MBTD1: variants seen among roughly 807,000 people sequenced by gnomAD.
MBTD1 encodes MBT domain-containing protein 1.
In MBTD1, 24 loss-of-function variants were observed where a neutral mutation model predicts 87.8. That is an observed-to-expected ratio of 0.27 (90% CI 0.20 to 0.38). MBTD1 has a LOEUF of 0.38. Among genes scored for constraint, MBTD1 ranks in the 10% least tolerant of loss-of-function variants. The pLI is 1.00. For missense variants in MBTD1, 436 were observed against 760.2 expected (o/e 0.57, Z 5.02); for synonymous variants, 237 against 248.6 (o/e 0.95, Z 0.44).
chr17:51,215,822 A>G (rs942449989), intron 6 of MBTD1, among the ~76,000 whole-genome samples: 1 of 152,134 alleles, frequency 6.6e-6, no homozygotes, highest in African/African-American at 2.4e-5. Flanking sequence ...GACTTTGATC[A>G]AACTCCTTTA....
At chr17:51,241,277 G>A (rs1365396662) in intron 2 of MBTD1, among the ~76,000 whole-genome samples, 2 of 152,046 alleles carry the variant, frequency 1.3e-5, no homozygotes, top group Non-Finnish European at 2.9e-5. Context: ...CCTGGCTGGT[G>A]TTAATTTTAA....
chr17:51,214,414 T>C (rs2143481513), intron 6 of MBTD1, among the ~76,000 whole-genome samples: 1 of 152,322 alleles, frequency 6.6e-6, no homozygotes, highest in Non-Finnish European at 1.5e-5. Context: ...AGTCCTATGA[T>C]CTACTCTGTA....
intron 2 of MBTD1, among the ~76,000 whole-genome samples, chr17:51,247,663 C>T (rs998982093): frequency 3.9e-5 from 6 of 152,042 alleles, no homozygotes; most frequent in Non-Finnish European, 8.8e-5. Context: ...TTGCCCAGGC[C>T]AATCTCAAAC....
rs779119831 is a variant in MBTD1 at position 51,202,762 on chromosome 17, G to A, written c.1002C>T (p.His334=). The A allele has an allele frequency of 3.7e-6, 6 of 1,614,144 alleles. No individual in the cohort carries two copies. The Admixed American group carries it at 8.3e-5, about 22-fold the overall frequency. ...DRTDDFWCHM[H]SPLIHHIGWS... Reference sequence around the variant, plus strand: ...AACCAATATGATGTATTAATGGGCTGTGCATATGGCACCAGAAGTCATCTG... The same window carrying A: ...AACCAATATGATGTATTAATGGGCTATGCATATGGCACCAGAAGTCATCTG... The change falls in exon 10 of 17, where the codon CAC becomes CAT. Residue 334 remains histidine, a synonymous_variant. Coordinates refer to ENST00000586178, the MANE Select transcript of MBTD1 (RefSeq NM_017643.3).
intron 2 of MBTD1, among the ~76,000 whole-genome samples, chr17:51,236,492 G>T (rs898878571): frequency 1.3e-5 from 2 of 152,118 alleles, no homozygotes; most frequent in East Asian, 3.9e-4. Flanking sequence ...TCATCTGCCC[G>T]CCTCAGCTTT....
intron 2 of MBTD1, among the ~76,000 whole-genome samples, chr17:51,255,070 CAG>C (rs1428459978): frequency 1.3e-5 from 2 of 152,164 alleles, no homozygotes; most frequent in African/African-American, 4.8e-5. Context: ...ATCACAAGGT[CAG>C]GAGTTTGACA....
rs530321243 is a variant in MBTD1 at position 51,180,127 on chromosome 17, T to G, written c.*449A>C. 11 of 155,976 alleles carry G rather than the reference T, an allele frequency of 7.1e-5. No individual in the cohort carries two copies. The South Asian group carries it at 2.2e-3, about 31-fold the overall frequency. The allele number at this position is 155,976 out of a possible 1,614,324, so 9.7% of individuals were successfully genotyped here. ...TTTCTGCAGCAAAAGAAGCTGGAGA[T>G]GTGACTGGCCTAACTTCTAAAAATC... On this transcript the variant is annotated 3_prime_UTR_variant, in exon 17 of 17. Transcript: ENST00000586178.
At chr17:51,228,582 AG>A (rs2053370812) in intron 2 of MBTD1, among the ~76,000 whole-genome samples, 1 of 144,266 alleles carries the variant, frequency 6.9e-6, no homozygotes. Flanking sequence ...AGAAGTGAAA[AG>A]AAAATAGGAG....
chr17:51,259,334 C>G, intron 1 of MBTD1, 128 bp from the exon 2 acceptor site: 1 of 1,007,820 alleles, frequency 9.9e-7, no homozygotes, highest in Non-Finnish European at 1.3e-6. Context: ...CTCTCCCGCA[C>G]GTGCCCACCC....
intron 2 of MBTD1, among the ~76,000 whole-genome samples, chr17:51,258,048 C>T (rs72826486): frequency 6.7e-6 from 1 of 148,948 alleles, no homozygotes; most frequent in Non-Finnish European, 1.5e-5. Flanking sequence ...TTTCTAAACA[C>T]TCTGGTGTTG....
intron 2 of MBTD1, chr17:51,251,664 C>T (rs2054793438): frequency 6.6e-6 from 1 of 152,178 alleles, no homozygotes; most frequent in South Asian, 2.1e-4. Flanking sequence ...TGGTTTATTT[C>T]TCTACCTATA....
chr17:51,221,744 T>C (rs1019576792), intron 3 of MBTD1, among the ~76,000 whole-genome samples: 7 of 152,252 alleles, frequency 4.6e-5, no homozygotes, highest in African/African-American at 1.7e-4. Flanking sequence ...TACATTGTAT[T>C]AGCTATAAGT....
chr17:51,215,606 A>T (rs1341094460), intron 6 of MBTD1, among the ~76,000 whole-genome samples: 1 of 152,208 alleles, frequency 6.6e-6, no homozygotes. Context: ...GAAGAGAGTT[A>T]AAGATTTTCT....
intron 5 of MBTD1, among the ~76,000 whole-genome samples, chr17:51,218,289 G>T (rs537358789): frequency 6.6e-6 from 1 of 152,006 alleles, no homozygotes; most frequent in Admixed American, 6.6e-5. Flanking sequence ...AGCACTTTGG[G>T]AGGCTGAGGT....
intron 7 of MBTD1, among the ~76,000 whole-genome samples, chr17:51,204,969 T>G (rs900128413): frequency 6.6e-6 from 1 of 152,216 alleles, no homozygotes; most frequent in East Asian, 1.9e-4. Flanking sequence ...AAGAAAATTA[T>G]GTAAAATGAG....
intron 6 of MBTD1, among the ~76,000 whole-genome samples, chr17:51,211,206 G>C (rs1285493335): frequency 2.0e-5 from 3 of 148,674 alleles, no homozygotes; most frequent in Non-Finnish European, 4.5e-5. Context: ...ACAACGGAAA[G>C]ACAGGGCCAG....
rs1568135782 is a variant in MBTD1, at chr17:51,179,500, A to ATATATATTTATATT, written c.*1075_*1076insAATATAAATATATA. The ATATATATTTATATT allele has an allele frequency of 4.1e-4, 24 of 58,524 alleles. No individual in the cohort carries two copies. The highest frequency in any genetic ancestry group is 2.1e-3 in the East Asian group (5 of 2,360). The allele number at this position is 58,524 out of a possible 1,614,324, so 3.6% of individuals were successfully genotyped here. On this transcript the variant is annotated 3_prime_UTR_variant, in exon 17 of 17. Coordinates refer to ENST00000586178, the MANE Select transcript of MBTD1 (RefSeq NM_017643.3). ...AAGACAATTTTATATATATATATAT[A>ATATATATTTATATT]TATATATATATATATATATATATAT...
chr17:51,249,891 T>G (rs1197109719), intron 2 of MBTD1: 1 of 152,142 alleles, frequency 6.6e-6, no homozygotes, highest in East Asian at 1.9e-4. Context: ...ATTCTTATTC[T>G]AGTTCTGAAA....
Position 51,253,336 on chromosome 17 carries a change from C to T in MBTD1, c.-49+5807G>A, listed in dbSNP as rs374507370. ...TAGGAATCTGTCCTTCAGAAATACT[C>T]ATACATAATACATACAAGGACACAA... On this transcript the variant is annotated intron_variant, in intron 2 of 16. Coordinates refer to ENST00000586178, the MANE Select transcript of MBTD1 (RefSeq NM_017643.3). 1.1e-4 allele frequency among the ~76,000 whole-genome samples: 17 copies of T among 152,218 alleles called. No homozygotes were observed. In the East Asian group the frequency reaches 2.3e-3, roughly 21 times the overall value.
Sources: gnomAD v4.1 joint callset for allele counts (sites outside exome capture counted in the v4.1 genomes callset) on GRCh38, gnomAD v4.1.1 for gene constraint, MANE v1.5 for transcripts, NCBI Gene and HGNC (gene_info 2026-07-23, HGNC 2026-07-21) for gene names.